COL4A5: variants seen among roughly 807,000 people sequenced by gnomAD.
The protein encoded by COL4A5 is collagen type IV alpha 5 chain, also known as collagen alpha-5(IV) chain.
In COL4A5, 26 loss-of-function variants were observed where a neutral mutation model predicts 130.2. The observed-to-expected ratio is 0.20, with a 90% CI of 0.15 to 0.28. The LOEUF is 0.28. COL4A5 is among the 10% of genes least tolerant of loss of function. COL4A5 has a pLI of 1.00. For missense variants in COL4A5, 1,131 were observed against 1,344.3 expected (o/e 0.84, Z 2.48); for synonymous variants, 496 against 439.6 (o/e 1.13, Z -1.60).
At chrX:108,554,680 G>A (rs777321864) in intron 2 of COL4A5, among the ~76,000 whole-genome samples, 1 of 111,135 alleles carries the variant, frequency 9.0e-6, no homozygotes, top group Non-Finnish European at 1.9e-5. Context: ...GGGCAACATG[G>A]TGAAACCCTG....
chrX:108,452,599 A>T (rs1047828394), intron 1 of COL4A5, among the ~76,000 whole-genome samples: 8 of 111,714 alleles, frequency 7.2e-5, no homozygotes, highest in Non-Finnish European at 1.5e-4. Flanking sequence ...TGTGAATGGG[A>T]GTTCCCTCAT....
At chrX:108,675,586 G>A (rs2068287772) in intron 43 of COL4A5, among the ~76,000 whole-genome samples, 1 of 111,202 alleles carries the variant, frequency 9.0e-6, no homozygotes, top group Non-Finnish European at 1.9e-5. Context: ...GGGAATTTCT[G>A]TGTTGACTGG....
chrX:108,500,450 G>A (rs111989898), intron 1 of COL4A5, among the ~76,000 whole-genome samples: 133 of 112,246 alleles, frequency 1.2e-3, no homozygotes, highest in African/African-American at 3.7e-3. Context: ...GCTACGCAAC[G>A]TCAGGTGACA....
intron 1 of COL4A5, among the ~76,000 whole-genome samples, chrX:108,480,098 C>G (rs1457185122): frequency 8.9e-6 from 1 of 111,750 alleles, no homozygotes; most frequent in East Asian, 2.8e-4. Flanking sequence ...AGAGCCTTCT[C>G]GTGTTCCGGA....
intron 37 of COL4A5, among the ~76,000 whole-genome samples, chrX:108,660,940 T>C (rs1259209993): frequency 8.9e-6 from 1 of 112,086 alleles, no homozygotes; most frequent in Non-Finnish European, 1.9e-5. Context: ...AGTAACATTG[T>C]ATCACATTTA....
chrX:108,523,031 C>T (rs2065279926), intron 1 of COL4A5, among the ~76,000 whole-genome samples: 2 of 108,610 alleles, frequency 1.8e-5, no homozygotes, highest in South Asian at 4.2e-4. Flanking sequence ...GTGCGCGTGC[C>T]ACCATGCCCT....
intron 4 of COL4A5, among the ~76,000 whole-genome samples, chrX:108,564,232 A>C (rs1170793736): frequency 9.0e-6 from 1 of 111,521 alleles, no homozygotes; most frequent in African/African-American, 3.3e-5. Flanking sequence ...AATCTATATC[A>C]TATAGTTGGT....
At chrX:108,583,565 T>C (rs2066285025) in intron 17 of COL4A5, among the ~76,000 whole-genome samples, 1 of 111,240 alleles carries the variant, frequency 9.0e-6, no homozygotes, top group African/African-American at 3.3e-5. Context: ...AGCTTTTTGG[T>C]TTTTCAGGCA....
chrX:108,643,186 A>G (rs1478402781), intron 36 of COL4A5, among the ~76,000 whole-genome samples: 1 of 112,269 alleles, frequency 8.9e-6, no homozygotes, highest in Non-Finnish European at 1.9e-5. Flanking sequence ...ATAAGAAAAT[A>G]TAAACAAAGC....
chrX:108,620,273 C>T lies in COL4A5; in HGVS notation c.2524C>T (p.Pro842Ser). The change falls in exon 31 of 53, where the codon CCA (proline) becomes TCA (serine). Residue 842 changes from proline to serine, a missense_variant. Transcript: ENST00000328300. ...PIGQPGLHGI[P>S]GEKGDPGPPG... ...GTATTAACTAGGTTTACATGGAATACCAGGAGAGAAGGGGGATCCAGGACC... is the reference window on the plus strand; with the variant it reads ...GTATTAACTAGGTTTACATGGAATATCAGGAGAGAAGGGGGATCCAGGACC... The T allele has an allele frequency of 8.3e-7, 1 of 1,207,345 alleles. No individual in the cohort carries two copies. Among genetic ancestry groups the T allele is most frequent in the African/African-American group, 1.7e-5 (1 of 57,540 alleles).
chrX:108,692,863 A>G lies in COL4A5; in HGVS notation c.4644A>G (p.Pro1548=). The change falls in exon 50 of 53, where the codon CCA becomes CCG. Residue 1548 remains proline (P), a synonymous_variant. Transcript: ENST00000328300. ...RNDYSYWLST[P]EPMPMSMQPL... is the part of the protein sequence containing the mutation. The stretch of plus-strand genomic sequence containing the variant: ...ACTATTCTTACTGGCTCTCTACCCC[A>G]GAGCCCATGCCAATGAGCATGCAAC... The G allele has an allele frequency of 8.3e-7, 1 of 1,211,555 alleles. No homozygotes were observed. The highest frequency in any genetic ancestry group is 1.8e-5 in the South Asian group (1 of 56,988).
intron 52 of COL4A5, 71 bp downstream of exon 52, chrX:108,695,510 T>A: frequency 9.8e-7 from 1 of 1,017,087 alleles, no homozygotes; most frequent in Non-Finnish European, 1.4e-6. Flanking sequence ...AGAGACAATT[T>A]ATGGATGGTT....
rs756588898 is a variant in COL4A5, at chrX:108,517,985, C to T, written c.82-21761C>T. ...TTCTGGGGAGATATTTAACAATCTC[C>T]GTATACCCCACATGAGCTATACAGA... On this transcript the variant is annotated intron_variant, in intron 1 of 52. Coordinates refer to ENST00000328300, the MANE Select transcript of COL4A5 (RefSeq NM_033380.3). 1.2e-4 allele frequency among the ~76,000 whole-genome samples: 13 copies of T among 110,570 alleles called. No homozygotes were observed. The East Asian group carries it at 2.5e-3, about 22-fold the overall frequency.
intron 28 of COL4A5, among the ~76,000 whole-genome samples, chrX:108,604,086 G>A (rs2066688916): frequency 8.9e-6 from 1 of 111,996 alleles, no homozygotes; most frequent in Non-Finnish European, 1.9e-5. Context: ...TCATCTGTGA[G>A]AGTTAGAATT....
chrX:108,480,670 C>G (rs979806400), intron 1 of COL4A5, among the ~76,000 whole-genome samples: 1 of 112,767 alleles, frequency 8.9e-6, no homozygotes, highest in Non-Finnish European at 1.9e-5. Flanking sequence ...TACTAGGTAC[C>G]AGGAGATGTG....
In COL4A5 at chrX:108,473,633, A is replaced by ATATATATATTTTTT; in HGVS notation, c.81+33428_81+33429insATATATATTTTTTT. ...TATATGTATATATATATATATATAT[A>ATATATATATTTTTT]TTTTTTTTTTTTTGAGATGAAGTCT... On this transcript the variant is annotated intron_variant, in intron 1 of 52. Coordinates refer to ENST00000328300, the MANE Select transcript of COL4A5 (RefSeq NM_033380.3). Among the ~76,000 whole-genome samples the ATATATATATTTTTT allele has an allele frequency of 1.4e-3, 48 of 34,555 alleles. 1 individual carries two copies. Among genetic ancestry groups the ATATATATATTTTTT allele is most frequent in the African/African-American group, 3.8e-3 (35 of 9,281 alleles). The allele number at this position is 34,555 out of a possible 115,157, so 30.0% of individuals were successfully genotyped here.
At chrX:108,549,595 G>A (rs1352018944) in intron 2 of COL4A5, among the ~76,000 whole-genome samples, 1 of 111,384 alleles carries the variant, frequency 9.0e-6, no homozygotes, top group Non-Finnish European at 1.9e-5. Flanking sequence ...GCAGGGCATA[G>A]GTGGGAAATA....
chrX:108,588,114 T>C (rs747156076), intron 19 of COL4A5, among the ~76,000 whole-genome samples: 2 of 111,298 alleles, frequency 1.8e-5, no homozygotes, highest in African/African-American at 3.3e-5. Context: ...TGGCCACAAA[T>C]TGAGTACTGC....
intron 1 of COL4A5, among the ~76,000 whole-genome samples, chrX:108,465,547 G>A (rs1366098002): frequency 2.7e-5 from 3 of 111,619 alleles, no homozygotes; most frequent in African/African-American, 9.7e-5. Flanking sequence ...TCTGTGGGTC[G>A]TATTTTCTTT....
Sources: gnomAD v4.1 joint callset for allele counts (sites outside exome capture counted in the v4.1 genomes callset) on GRCh38, gnomAD v4.1.1 for gene constraint, MANE v1.5 for transcripts, NCBI Gene and HGNC (gene_info 2026-07-23, HGNC 2026-07-21) for gene names.